PTPRD: variants seen among roughly 807,000 people sequenced by gnomAD.
The protein encoded by PTPRD is receptor-type tyrosine-protein phosphatase delta.
In PTPRD, 34 loss-of-function variants were observed where a neutral mutation model predicts 214.5. That is an observed-to-expected ratio of 0.16 (90% CI 0.12 to 0.21). The LOEUF is 0.21. Ranked by LOEUF, PTPRD falls within the 10% of genes least tolerant of loss-of-function variation. The probability of loss-of-function intolerance (pLI) is 1.00; values close to 1 mark genes in which losing one functional copy is unlikely to be tolerated. For synonymous variants in PTPRD, 1,128 were observed against 845.7 expected (o/e 1.33, Z -5.79); for missense variants, 2,545 against 2,398.7 (o/e 1.06, Z -1.27).
At chr9:8,541,619 C>T (rs2078443642) in intron 14 of PTPRD, among the ~76,000 whole-genome samples, 1 of 152,094 alleles carries the variant, frequency 6.6e-6, no homozygotes. Flanking sequence ...TCCTTCCACC[C>T]TGGCCTTCCA....
At chr9:9,348,125 C>A (rs1349127675) in intron 9 of PTPRD, among the ~76,000 whole-genome samples, 1 of 152,056 alleles carries the variant, frequency 6.6e-6, no homozygotes, top group Non-Finnish European at 1.5e-5. Context: ...TCAATGTTCC[C>A]ACCAAAAGAA....
Position 10,611,905 on chromosome 9 carries a change from G to GCC in PTPRD, c.-600+491_-600+492dup, listed in dbSNP as rs71332762. Among the ~76,000 whole-genome samples the GCC allele has an allele frequency of 6.8e-3, 866 of 127,982 alleles. 15 individuals carry two copies. Among genetic ancestry groups the GCC allele is most frequent in the Non-Finnish European group, 9.1e-3 (554 of 60,624 alleles). The allele number at this position is 127,982 out of a possible 152,430, so 84.0% of individuals were successfully genotyped here. ...CATCCTTATTAACTTTCCCTTTTCC[G>GCC]CCCCCCCCCCCTTTTTTTTTCTAGA... On this transcript the variant is annotated intron_variant, in intron 2 of 45. Coordinates refer to ENST00000381196, the MANE Select transcript of PTPRD (RefSeq NM_002839.4).
chr9:8,525,685 A>T (rs1042110972), intron 17 of PTPRD, among the ~76,000 whole-genome samples: 1 of 152,204 alleles, frequency 6.6e-6, no homozygotes, highest in Admixed American at 6.5e-5. Context: ...GAATTAGAAG[A>T]TTTTTAAAAA....
chr9:8,752,249 G>A (rs997964733), intron 11 of PTPRD, among the ~76,000 whole-genome samples: 1 of 152,176 alleles, frequency 6.6e-6, no homozygotes, highest in African/African-American at 2.4e-5. Context: ...AAGGCAGCTT[G>A]CAGTAAAGAA....
chr9:9,982,475 GGTGTGTGTGT>G (rs201055413), intron 4 of PTPRD, among the ~76,000 whole-genome samples: 1 of 46,748 alleles, frequency 2.1e-5, no homozygotes, highest in South Asian at 6.7e-4. Flanking sequence ...TGGTGGTGGT[GGTGTGTGTGT>G]GTGTGTGTGT....
At chr9:9,408,764 G>A (rs767268763) in intron 8 of PTPRD, among the ~76,000 whole-genome samples, 14 of 151,804 alleles carry the variant, frequency 9.2e-5, no homozygotes, top group Non-Finnish European at 1.3e-4. Context: ...TAACAATTGT[G>A]AAGATTAAAT....
intron 3 of PTPRD, among the ~76,000 whole-genome samples, chr9:10,053,193 A>T (rs1344287801): frequency 6.6e-6 from 1 of 152,214 alleles, no homozygotes; most frequent in African/African-American, 2.4e-5. Context: ...AGGATGATTT[A>T]TTGTTAATAA....
At chr9:10,198,227 C>G (rs752874432) in intron 3 of PTPRD, among the ~76,000 whole-genome samples, 2 of 152,008 alleles carry the variant, frequency 1.3e-5, no homozygotes, top group East Asian at 1.9e-4. Flanking sequence ...GAACTAACAA[C>G]AAGAATGAAT....
At chr9:8,898,663 G>C (rs12551769) in intron 11 of PTPRD, among the ~76,000 whole-genome samples, 2 of 151,930 alleles carry the variant, frequency 1.3e-5, no homozygotes, top group Non-Finnish European at 2.9e-5. Flanking sequence ...GACTTGGCAC[G>C]AATAAGATCT....
At chr9:9,010,606 C>T (rs1224318053) in intron 11 of PTPRD, among the ~76,000 whole-genome samples, 1 of 152,202 alleles carries the variant, frequency 6.6e-6, no homozygotes, top group African/African-American at 2.4e-5. Flanking sequence ...TAGGTTCTTA[C>T]TGAGTGGCCC....
intron 9 of PTPRD, among the ~76,000 whole-genome samples, chr9:9,200,815 C>A (rs1037384073): frequency 6.6e-6 from 1 of 152,124 alleles, no homozygotes; most frequent in Admixed American, 6.5e-5. Flanking sequence ...ACTGCAAAAA[C>A]CTTTAGAACA....
At chr9:8,654,745 A>C (rs545053244) in intron 12 of PTPRD, among the ~76,000 whole-genome samples, 6 of 152,158 alleles carry the variant, frequency 3.9e-5, no homozygotes, top group Non-Finnish European at 8.8e-5. Flanking sequence ...TTTGGTAAAA[A>C]ATAAACTTAA....
rs189968252 is a variant in PTPRD at position 10,330,489 on chromosome 9, A to G, written c.-545+10474T>C. Among the ~76,000 whole-genome samples, 7 of 151,856 alleles carry G rather than the reference A, an allele frequency of 4.6e-5. No individual in the cohort carries two copies. In the East Asian group the frequency reaches 1.4e-3, roughly 30 times the overall value. On this transcript the variant is annotated intron_variant, in intron 3 of 45. Transcript: ENST00000381196. ...ACACATTTTTTGTTCCTTTTTCCAT[A>G]TTTGGTTTCTAAAACTTCAAAAGCT...
At chr9:8,872,125 A>T (rs138589834) in intron 11 of PTPRD, among the ~76,000 whole-genome samples, 13 of 152,218 alleles carry the variant, frequency 8.5e-5, no homozygotes, top group African/African-American at 2.9e-4. Flanking sequence ...AACAAGTGGT[A>T]CCACCTGTGC....
chr9:8,541,670 G>C (rs982466142), intron 14 of PTPRD, among the ~76,000 whole-genome samples: 1 of 151,992 alleles, frequency 6.6e-6, no homozygotes, highest in African/African-American at 2.4e-5. Context: ...CCCAGCCTTT[G>C]TGTTTGTTTG....
At chr9:9,175,005 T>G (rs2131140105) in intron 10 of PTPRD, among the ~76,000 whole-genome samples, 1 of 152,174 alleles carries the variant, frequency 6.6e-6, no homozygotes. Context: ...CCCAGAAAAC[T>G]GATTTCCCCT....
intron 2 of PTPRD, among the ~76,000 whole-genome samples, chr9:10,582,351 C>T (rs146922215): frequency 0.013 from 1,935 of 152,160 alleles, 46 homozygotes; most frequent in African/African-American, 0.043. Flanking sequence ...GTATTCTTTC[C>T]TACTCCCAAG....
chr9:8,670,909 C>T (rs1247174577), intron 12 of PTPRD, among the ~76,000 whole-genome samples: 5 of 152,014 alleles, frequency 3.3e-5, no homozygotes, highest in Admixed American at 6.6e-5. Flanking sequence ...TGAGTTTTTC[C>T]GGAGGAAGAC....
chr9:9,172,114 T>C (rs781554726), intron 10 of PTPRD, among the ~76,000 whole-genome samples: 11 of 152,170 alleles, frequency 7.2e-5, no homozygotes, highest in Non-Finnish European at 1.5e-4. Context: ...ACACTAAGTA[T>C]TCTCTAAGTG....
Sources: allele counts gnomAD v4.1 joint callset (sites outside exome capture counted in the v4.1 genomes callset), GRCh38; gene constraint gnomAD v4.1.1; transcripts MANE v1.5; gene names NCBI Gene and HGNC (gene_info 2026-07-23, HGNC 2026-07-21).